The following SLC25A21 variants were observed in gnomAD, a reference collection of about 807,000 sequenced individuals.
The protein encoded by SLC25A21 is mitochondrial 2-oxodicarboxylate carrier.
Under a neutral mutation model 43.8 loss-of-function variants are expected in SLC25A21, and 47 were observed. The ratio of observed to expected loss-of-function variants is 1.07; its 90% CI spans 0.85 to 1.37. SLC25A21 has a LOEUF of 1.37. Ranked by LOEUF, SLC25A21 falls within the 40% of genes most tolerant of loss-of-function variation. The probability of loss-of-function intolerance (pLI) is 0.00; values close to 1 mark genes in which losing one functional copy is unlikely to be tolerated. For missense variants in SLC25A21, 352 were observed against 350.2 expected, an observed-to-expected ratio of 1.00 and a Z score of -0.04; for synonymous variants, 131 against 121.3, an observed-to-expected ratio of 1.08 and a Z score of -0.52.
At chr14:36,875,874 T>C (rs1267107629) in intron 1 of SLC25A21, among the ~76,000 whole-genome samples, 3 of 152,198 alleles carry the variant, frequency 2.0e-5, no homozygotes, top group Admixed American at 6.5e-5. Context: ...AGTAGTACAG[T>C]AGTATTAGGT....
intron 3 of SLC25A21, among the ~76,000 whole-genome samples, chr14:36,754,239 G>C (rs907198896): frequency 2.0e-5 from 3 of 152,136 alleles, no homozygotes; most frequent in Non-Finnish European, 4.4e-5. Flanking sequence ...TTGAAGGCCT[G>C]AGTAGAACAA....
intron 2 of SLC25A21, among the ~76,000 whole-genome samples, chr14:36,850,564 CTG>C (rs1889694947): frequency 6.6e-6 from 1 of 152,162 alleles, no homozygotes; most frequent in Admixed American, 6.6e-5. Context: ...TCAGATTTGA[CTG>C]TCTTTTCTTT....
chr14:37,145,581 T>C (rs779669856), intron 1 of SLC25A21, among the ~76,000 whole-genome samples: 9 of 152,054 alleles, frequency 5.9e-5, no homozygotes, highest in Admixed American at 1.3e-4. Context: ...GTAAGTCCCC[T>C]ATCATATGAC....
intron 1 of SLC25A21, among the ~76,000 whole-genome samples, chr14:37,149,057 T>C (rs957207183): frequency 1.3e-5 from 2 of 152,198 alleles, no homozygotes; most frequent in African/African-American, 4.8e-5. Flanking sequence ...AGGCGTGAGC[T>C]ATCTGTGCCT....
At chr14:36,740,128 C>G (rs1343295366) in intron 3 of SLC25A21, among the ~76,000 whole-genome samples, 1 of 152,122 alleles carries the variant, frequency 6.6e-6, no homozygotes, top group Non-Finnish European at 1.5e-5. Flanking sequence ...GAACAAAGAG[C>G]CTTAAATCGA....
In SLC25A21 at chr14:36,735,644, G is replaced by A. The variant is rs138317633; in HGVS notation, c.204-1071C>T. ...CCCACTGTACCACCCAAACCAACAC[G>A]GCGACCTCTTGTTCTCCTTCAATTC... On this transcript the variant is annotated intron_variant, in intron 3 of 9. Coordinates refer to ENST00000331299, the MANE Select transcript of SLC25A21 (RefSeq NM_030631.4). Among the ~76,000 whole-genome samples the A allele has an allele frequency of 2.0e-5, 3 of 152,098 alleles. 1 individual carries two copies. The highest frequency in any genetic ancestry group is 7.2e-5 in the African/African-American group (3 of 41,494).
chr14:36,993,125 A>C (rs1225256133), intron 1 of SLC25A21, among the ~76,000 whole-genome samples: 1 of 152,240 alleles, frequency 6.6e-6, no homozygotes, highest in Non-Finnish European at 1.5e-5. Context: ...ATAAACATTT[A>C]CTTCCAGTTC....
At chr14:36,697,746 T>TTTTTTTTTA (rs1883095549) in intron 7 of SLC25A21, among the ~76,000 whole-genome samples, 1 of 147,946 alleles carries the variant, frequency 6.8e-6, no homozygotes, top group South Asian at 2.2e-4. Flanking sequence ...TACTTTTTTT[T>TTTTTTTTTA]TTTGCTTTCC....
intron 1 of SLC25A21, among the ~76,000 whole-genome samples, chr14:37,075,672 C>T (rs1962265234): frequency 6.6e-6 from 1 of 152,086 alleles, no homozygotes; most frequent in African/African-American, 2.4e-5. Flanking sequence ...GAGAAGACAT[C>T]CCAGTTTATC....
intron 1 of SLC25A21, among the ~76,000 whole-genome samples, chr14:36,957,806 T>TAGGC (rs1362556929): frequency 6.6e-6 from 1 of 152,218 alleles, no homozygotes; most frequent in Non-Finnish European, 1.5e-5. Flanking sequence ...AGCATTAGAA[T>TAGGC]AGGCTTCTGG....
chr14:37,128,201 T>C (rs1418924081), intron 1 of SLC25A21, among the ~76,000 whole-genome samples: 1 of 152,156 alleles, frequency 6.6e-6, no homozygotes, highest in Non-Finnish European at 1.5e-5. Flanking sequence ...AGCCGAGGGA[T>C]GCCTAATATT....
intron 7 of SLC25A21, among the ~76,000 whole-genome samples, chr14:36,686,843 A>C (rs1057208845): frequency 3.9e-5 from 6 of 152,214 alleles, no homozygotes; most frequent in African/African-American, 1.2e-4. Context: ...GTGAACAAAG[A>C]GACTCAATGA....
chr14:37,157,188 C>G (rs1963865851), intron 1 of SLC25A21, among the ~76,000 whole-genome samples: 1 of 152,122 alleles, frequency 6.6e-6, no homozygotes, highest in Non-Finnish European at 1.5e-5. Flanking sequence ...GAAACACTAT[C>G]TCTCCTAAAA....
At chr14:37,167,901 C>T (rs746235301) in intron 1 of SLC25A21, among the ~76,000 whole-genome samples, 1 of 151,834 alleles carries the variant, frequency 6.6e-6, no homozygotes, top group Non-Finnish European at 1.5e-5. Flanking sequence ...CACCGCTCCC[C>T]CCACCCCCTA....
chr14:36,767,314 A>G (rs1333880617), intron 3 of SLC25A21, among the ~76,000 whole-genome samples: 1 of 152,248 alleles, frequency 6.6e-6, no homozygotes, highest in Non-Finnish European at 1.5e-5. Flanking sequence ...ACAGTTCTAC[A>G]TCTGTGAGTC....
Position 36,863,449 on chromosome 14 carries a change from C to T in SLC25A21, c.119+11507G>A, listed in dbSNP as rs1198919445. ...GAGATTACACACTTTACAAAGGTTC[C>T]GCAATGTGAGTCATAAAAATAGCTT... On this transcript the variant is annotated intron_variant, in intron 2 of 9. Transcript: ENST00000331299. 4.0e-5 allele frequency among the ~76,000 whole-genome samples: 6 copies of T among 151,884 alleles called. 1 individual carries two copies. The highest frequency in any genetic ancestry group is 2.0e-4 in the Admixed American group (3 of 15,266).
intron 1 of SLC25A21, among the ~76,000 whole-genome samples, chr14:36,962,310 G>A (rs1025243019): frequency 2.6e-5 from 4 of 152,240 alleles, no homozygotes; most frequent in Admixed American, 2.0e-4. Context: ...TCATCACACA[G>A]TTGCTTTTTT....
At chr14:36,945,185 C>T (rs1376848711) in intron 1 of SLC25A21, among the ~76,000 whole-genome samples, 1 of 152,124 alleles carries the variant, frequency 6.6e-6, no homozygotes, top group African/African-American at 2.4e-5. Flanking sequence ...TTTCAAACTA[C>T]TGAGAAATAA....
chr14:36,776,226 C>CTTTTTT (rs1227806836), intron 3 of SLC25A21, among the ~76,000 whole-genome samples: 1 of 48,078 alleles, frequency 2.1e-5, no homozygotes, highest in African/African-American at 6.1e-5. Context: ...TTTTCTTTTT[C>CTTTTTT]TTTCTTTCTT....
Sources: allele counts gnomAD v4.1 joint callset (sites outside exome capture counted in the v4.1 genomes callset), GRCh38; gene constraint gnomAD v4.1.1; transcripts MANE v1.5; gene names NCBI Gene and HGNC (gene_info 2026-07-23, HGNC 2026-07-21).